PDE4D: variants seen among roughly 807,000 people sequenced by gnomAD.
PDE4D encodes the protein 3',5'-cyclic-AMP phosphodiesterase 4D.
PDE4D carries 24 observed loss-of-function variants against 87.4 expected under a neutral mutation model. That is an observed-to-expected ratio of 0.27 (90% CI 0.20 to 0.39). The LOEUF (loss-of-function observed/expected upper bound fraction) is 0.39. PDE4D is among the 10% of genes least tolerant of loss of function. PDE4D has a pLI of 1.00. For missense variants in PDE4D, 714 were observed against 1,041.0 expected (o/e 0.69, Z 4.32); for synonymous variants, 384 against 383.2 (o/e 1.00, Z -0.02).
chr5:59,476,812 A>C (rs1001680639), intron 1 of PDE4D, among the ~76,000 whole-genome samples: 1 of 152,126 alleles, frequency 6.6e-6, no homozygotes, highest in African/African-American at 2.4e-5. Flanking sequence ...CTATCTATCC[A>C]AAAATTACAA....
intron 1 of PDE4D, among the ~76,000 whole-genome samples, chr5:60,498,726 GT>G (rs1298543786): frequency 5.3e-5 from 8 of 152,152 alleles, no homozygotes; most frequent in South Asian, 2.1e-4. Context: ...TAATCAGCTT[GT>G]TTTTTTTAAT....
In PDE4D at chr5:59,165,835, C is replaced by T. The variant is rs117001589; in HGVS notation, c.808+14760G>A. Among the ~76,000 whole-genome samples the T allele has an allele frequency of 3.0e-3, 457 of 152,172 alleles. 8 individuals carry two copies. The East Asian group carries it at 0.053, about 17-fold the overall frequency. ...GTTCTCTTTTAGCCAAGGCCCAGGA[C>T]GCAAACAAGACAAATTAGATCCCTT... On this transcript the variant is annotated intron_variant, in intron 5 of 14. Coordinates refer to ENST00000340635, the MANE Select transcript of PDE4D (RefSeq NM_001104631.2).
intron 1 of PDE4D, among the ~76,000 whole-genome samples, chr5:59,768,877 G>A (rs1318316260): frequency 6.6e-6 from 1 of 152,152 alleles, no homozygotes; most frequent in Non-Finnish European, 1.5e-5. Flanking sequence ...TGCTGCTTAT[G>A]TACATAAAAA....
At chr5:59,193,609 G>T (rs764334045) in intron 2 of PDE4D, 73 bp from the exon 3 acceptor site, 599 of 1,580,790 alleles carry the variant, frequency 3.8e-4, no homozygotes, top group Non-Finnish European at 4.7e-4. Context: ...ATATTAAACG[G>T]CAAGTTCCAC....
At chr5:59,650,921 G>A (rs565791099) in intron 1 of PDE4D, among the ~76,000 whole-genome samples, 83 of 152,252 alleles carry the variant, frequency 5.5e-4, no homozygotes, top group African/African-American at 2.0e-3. Context: ...TTTTTATAAA[G>A]TGCTATTTGT....
At chr5:60,203,218 G>T (rs180941225) in intron 1 of PDE4D, among the ~76,000 whole-genome samples, 490 of 152,206 alleles carry the variant, frequency 3.2e-3, no homozygotes, top group Middle Eastern at 0.017. Context: ...TGATCTACCC[G>T]CCTCCACCTC....
chr5:59,296,444 T>G (rs2153558139), intron 1 of PDE4D, among the ~76,000 whole-genome samples: 1 of 152,246 alleles, frequency 6.6e-6, no homozygotes, highest in Admixed American at 6.5e-5. Flanking sequence ...TTGTTACTCT[T>G]TAGCTAATGA....
chr5:60,466,924 A>G (rs1273732590), intron 1 of PDE4D, among the ~76,000 whole-genome samples: 2 of 151,678 alleles, frequency 1.3e-5, no homozygotes, highest in Non-Finnish European at 2.9e-5. Flanking sequence ...ATGGAAAAAT[A>G]TGGCATATAT....
chr5:59,706,786 G>A (rs1033870373), intron 1 of PDE4D, among the ~76,000 whole-genome samples: 2 of 152,056 alleles, frequency 1.3e-5, no homozygotes, highest in African/African-American at 4.8e-5. Flanking sequence ...ATCCTTTTCC[G>A]AGCTCCTTCT....
intron 1 of PDE4D, among the ~76,000 whole-genome samples, chr5:60,284,321 C>A (rs187271936): frequency 6.7e-4 from 102 of 152,088 alleles, no homozygotes; most frequent in African/African-American, 2.4e-3. Flanking sequence ...TTAAGCCTAC[C>A]AATAATAGAG....
chr5:60,326,730 C>A (rs1247718567), intron 1 of PDE4D, among the ~76,000 whole-genome samples: 1 of 152,128 alleles, frequency 6.6e-6, no homozygotes, highest in African/African-American at 2.4e-5. Context: ...TTAAAGAACT[C>A]ACAGATTGTT....
In PDE4D at chr5:59,710,879, T is replaced by G. The variant is rs560292770; in HGVS notation, c.455+182289A>C. 4.6e-5 allele frequency among the ~76,000 whole-genome samples: 7 copies of G among 152,232 alleles called. 1 individual carries two copies. The highest frequency in any genetic ancestry group is 1.7e-4 in the African/African-American group (7 of 41,550). The stretch of plus-strand genomic sequence containing the variant: ...ACTGAACCAGGCATACGGTAGGAAT[T>G]TTACATGGTTTTATATGTGATACTA... On this transcript the variant is annotated intron_variant, in intron 1 of 14. Transcript: ENST00000340635.
At chr5:60,172,847 T>C (rs1783593032) in intron 2 of PDE4D, among the ~76,000 whole-genome samples, 1 of 152,106 alleles carries the variant, frequency 6.6e-6, no homozygotes, top group African/African-American at 2.4e-5. Context: ...ACTTCATCTC[T>C]TGAGCAGTCA....
chr5:60,314,949 G>A (rs1237945080), intron 1 of PDE4D, among the ~76,000 whole-genome samples: 3 of 152,100 alleles, frequency 2.0e-5, no homozygotes, highest in Admixed American at 6.6e-5. Context: ...ATAAACATAC[G>A]TGTGCATGTG....
At position 59,837,501 on chromosome 5, in the gene PDE4D, G is replaced by A. The variant is rs190405760; in HGVS notation, c.455+55667C>T. Reference sequence around the variant, plus strand: ...GGCAGGAATGTGCATTGTCTGTTTTGTTCCTTTGTGAAGCCAAGTGCTGGG... The same window carrying A: ...GGCAGGAATGTGCATTGTCTGTTTTATTCCTTTGTGAAGCCAAGTGCTGGG... On this transcript the variant is annotated intron_variant, in intron 1 of 14. Coordinates refer to ENST00000340635, the MANE Select transcript of PDE4D (RefSeq NM_001104631.2). Among the ~76,000 whole-genome samples, 6 of 152,122 alleles carry A rather than the reference G, an allele frequency of 3.9e-5. No homozygotes were observed. The East Asian group carries it at 9.7e-4, about 25-fold the overall frequency.
At chr5:60,266,895 C>T (rs768814947) in intron 1 of PDE4D, among the ~76,000 whole-genome samples, 2 of 152,124 alleles carry the variant, frequency 1.3e-5, no homozygotes, top group African/African-American at 4.8e-5. Flanking sequence ...GATAATGTCC[C>T]AACCATTTTC....
intron 1 of PDE4D, among the ~76,000 whole-genome samples, chr5:59,484,485 C>T (rs945622243): frequency 2.0e-5 from 3 of 152,104 alleles, no homozygotes; most frequent in Non-Finnish European, 4.4e-5. Flanking sequence ...TCTAGATAAT[C>T]TAGACCAGTT....
At chr5:60,311,919 G>T (rs1200803620) in intron 1 of PDE4D, among the ~76,000 whole-genome samples, 4 of 152,128 alleles carry the variant, frequency 2.6e-5, no homozygotes, top group Admixed American at 2.6e-4. Context: ...AGACAAAATT[G>T]ACTGTAAACT....
At chr5:59,838,462 C>A (rs1248663467) in intron 1 of PDE4D, among the ~76,000 whole-genome samples, 1 of 152,088 alleles carries the variant, frequency 6.6e-6, no homozygotes, top group Admixed American at 6.6e-5. Context: ...TGACAGTTGG[C>A]ATTCTTGCCT....
Sources: gnomAD v4.1 joint callset for allele counts (sites outside exome capture counted in the v4.1 genomes callset) on GRCh38, gnomAD v4.1.1 for gene constraint, MANE v1.5 for transcripts, NCBI Gene and HGNC (gene_info 2026-07-23, HGNC 2026-07-21) for gene names.